RAD51B: variants seen among roughly 807,000 people sequenced by gnomAD.
RAD51B encodes the protein RAD51 paralog B, also known as DNA repair protein RAD51 homolog 2.
Under a neutral mutation model 42.2 loss-of-function variants are expected in RAD51B, and 38 were observed. That is an observed-to-expected ratio of 0.90 (90% CI 0.70 to 1.18). The LOEUF (loss-of-function observed/expected upper bound fraction) is 1.18, where lower values mean the gene tolerates loss of function less well. Ranked by LOEUF, RAD51B falls within the 50% of genes most tolerant of loss-of-function variation. RAD51B has a pLI of 0.00. For missense variants in RAD51B, 373 were observed against 400.7 expected, an observed-to-expected ratio of 0.93 and a Z score of 0.59; for synonymous variants, 154 against 145.2, an observed-to-expected ratio of 1.06 and a Z score of -0.43.
intron 4 of RAD51B, among the ~76,000 whole-genome samples, chr14:67,842,848 G>A (rs1220550571): frequency 6.6e-6 from 1 of 152,100 alleles, no homozygotes; most frequent in African/African-American, 2.4e-5. Context: ...TGTTCATTTC[G>A]ATGCCTAGTC....
chr14:68,572,788 T>C (rs1185488007), intron 10 of RAD51B, among the ~76,000 whole-genome samples: 1 of 152,184 alleles, frequency 6.6e-6, no homozygotes, highest in East Asian at 1.9e-4. Context: ...ATCTCCAAAT[T>C]GCCAGTGTCA....
intron 7 of RAD51B, among the ~76,000 whole-genome samples, chr14:68,155,853 G>A (rs958450823): frequency 9.9e-5 from 15 of 152,190 alleles, no homozygotes; most frequent in Non-Finnish European, 2.2e-4. Flanking sequence ...TGATTGATGA[G>A]GCCCTCAGAG....
intron 5 of RAD51B, among the ~76,000 whole-genome samples, chr14:67,872,693 A>C (rs1341997093): frequency 2.6e-5 from 4 of 151,926 alleles, no homozygotes; most frequent in Non-Finnish European, 4.4e-5. Context: ...AAACTATACT[A>C]CAAGGCTACA....
At chr14:68,586,345 C>T (rs1345854553) in intron 10 of RAD51B, among the ~76,000 whole-genome samples, 1 of 152,226 alleles carries the variant, frequency 6.6e-6, no homozygotes, top group Non-Finnish European at 1.5e-5. Flanking sequence ...CTTTCCCCTC[C>T]ACACACCTTT....
At chr14:68,120,407 A>G (rs188118185) in intron 7 of RAD51B, among the ~76,000 whole-genome samples, 1 of 152,152 alleles carries the variant, frequency 6.6e-6, no homozygotes, top group South Asian at 2.1e-4. Flanking sequence ...TAAGTGGTTT[A>G]AGTTTCTAGC....
chr14:67,902,099 C>A (rs1048717466), intron 7 of RAD51B, among the ~76,000 whole-genome samples: 2 of 152,096 alleles, frequency 1.3e-5, no homozygotes, highest in Admixed American at 1.3e-4. Context: ...ATATGTGTTA[C>A]AACTAGCTGT....
intron 7 of RAD51B, among the ~76,000 whole-genome samples, chr14:68,278,468 G>C (rs754092488): frequency 6.6e-6 from 1 of 152,126 alleles, no homozygotes; most frequent in Non-Finnish European, 1.5e-5. Flanking sequence ...CACTGAACAT[G>C]GTGTTTGATA....
At chr14:67,858,491 A>T (rs553235279) in intron 4 of RAD51B, among the ~76,000 whole-genome samples, 1 of 152,276 alleles carries the variant, frequency 6.6e-6, no homozygotes, top group South Asian at 2.1e-4. Context: ...TGGGTTCTTT[A>T]TAGGTACAGA....
At chr14:68,408,604 G>T (rs916844226) in intron 8 of RAD51B, among the ~76,000 whole-genome samples, 2 of 152,122 alleles carry the variant, frequency 1.3e-5, no homozygotes, top group African/African-American at 4.8e-5. Flanking sequence ...GTTTATTTGT[G>T]TGTTTTTAAA....
chr14:67,882,001 C>G (rs1338028855), intron 5 of RAD51B, among the ~76,000 whole-genome samples: 4 of 152,174 alleles, frequency 2.6e-5, no homozygotes, highest in African/African-American at 9.7e-5. Flanking sequence ...AGGTTCTCAC[C>G]TAACTCTGTC....
chr14:68,477,878 C>A lies in RAD51B; in HGVS notation c.*214C>A. 1 of 1,398,692 alleles carries A rather than the reference C, an allele frequency of 7.1e-7. No individual in the cohort carries two copies. The highest frequency in any genetic ancestry group is 9.3e-7 in the Non-Finnish European group (1 of 1,078,234). 86.6% of individuals were successfully genotyped at this position (1,398,692 alleles called of 1,614,324 possible). On this transcript the variant is annotated 3_prime_UTR_variant, in exon 11 of 11. Transcript: ENST00000471583. Reference sequence around the variant, plus strand: ...GATGAAGAAGCCTTTGTTCAGGTCTCTAGATGTGTAGGGCTGAGGGCTTTG... The same window carrying A: ...GATGAAGAAGCCTTTGTTCAGGTCTATAGATGTGTAGGGCTGAGGGCTTTG...
At position 68,372,425 on chromosome 14, in the gene RAD51B, A is replaced by T. The variant is rs919001517; in HGVS notation, c.854-38999A>T. ...ATGTACATAATGCAGCAAAAAGAGA[A>T]CATGTAGTAATGCTGGAGAGGAAAG... On this transcript the variant is annotated intron_variant, in intron 8 of 10. Coordinates refer to ENST00000471583, the MANE Select transcript of RAD51B (RefSeq NM_133510.4). 4.6e-5 allele frequency among the ~76,000 whole-genome samples: 7 copies of T among 152,172 alleles called. No homozygotes were observed. In the East Asian group the frequency reaches 1.3e-3, roughly 29 times the overall value.
At chr14:68,574,155 C>G (rs1889852579) in intron 10 of RAD51B, among the ~76,000 whole-genome samples, 1 of 152,168 alleles carries the variant, frequency 6.6e-6, no homozygotes, top group African/African-American at 2.4e-5. Flanking sequence ...GTCACCCAGG[C>G]TGGAGTGCAG....
chr14:67,957,795 C>T (rs770221796), intron 7 of RAD51B, among the ~76,000 whole-genome samples: 6 of 152,084 alleles, frequency 3.9e-5, no homozygotes, highest in East Asian at 1.9e-4. Context: ...GTAGAATTTG[C>T]TTTACTGTAA....
intron 10 of RAD51B, among the ~76,000 whole-genome samples, chr14:68,532,551 A>G (rs1887377053): frequency 6.6e-6 from 1 of 152,204 alleles, no homozygotes; most frequent in Non-Finnish European, 1.5e-5. Context: ...AGAAAATCCA[A>G]ATCAACCAAT....
chr14:67,938,703 C>A (rs1051909280), intron 7 of RAD51B, among the ~76,000 whole-genome samples: 1 of 152,198 alleles, frequency 6.6e-6, no homozygotes, highest in East Asian at 1.9e-4. Flanking sequence ...GTCATATTGG[C>A]ATCTGTGGTT....
intron 8 of RAD51B, among the ~76,000 whole-genome samples, chr14:68,348,581 C>A (rs2082718996): frequency 1.3e-5 from 2 of 152,184 alleles, no homozygotes; most frequent in South Asian, 4.1e-4. Flanking sequence ...TGTTTAAAAA[C>A]AAAAGAAGCA....
chr14:67,884,932 T>C lies in RAD51B; in HGVS notation c.453-937T>C, dbSNP rs36091262. On this transcript the variant is annotated intron_variant, in intron 5 of 10. Coordinates refer to ENST00000471583, the MANE Select transcript of RAD51B (RefSeq NM_133510.4). ...TGGTTATGTTTTTAAAGTTCCCAGC[T>C]TCTTCTCAGAACTCTAACTATTTAG... is the stretch of plus-strand genomic sequence containing the variant. Among the ~76,000 whole-genome samples the C allele has an allele frequency of 8.9e-3, 1,362 of 152,308 alleles. 21 individuals carry two copies. Among genetic ancestry groups the C allele is most frequent in the African/African-American group, 0.031 (1,283 of 41,574 alleles).
At chr14:68,525,410 A>G (rs1300414487) in intron 10 of RAD51B, among the ~76,000 whole-genome samples, 3 of 152,264 alleles carry the variant, frequency 2.0e-5, no homozygotes, top group African/African-American at 7.2e-5. Flanking sequence ...GCAATAAGAA[A>G]GTAATTCAAA....
Sources: allele counts gnomAD v4.1 joint callset (sites outside exome capture counted in the v4.1 genomes callset), GRCh38; gene constraint gnomAD v4.1.1; transcripts MANE v1.5; gene names NCBI Gene and HGNC (gene_info 2026-07-23, HGNC 2026-07-21).